The following RBL2 variants were observed in gnomAD, a reference collection of about 807,000 sequenced individuals.
The protein encoded by RBL2 is retinoblastoma-like protein 2.
RBL2 carries 56 observed loss-of-function variants against 126.0 expected under a neutral mutation model. The ratio of observed to expected loss-of-function variants is 0.44; its 90% CI spans 0.36 to 0.56. The LOEUF is 0.56. Ranked by LOEUF, RBL2 falls within the 20% of genes least tolerant of loss-of-function variation. The pLI is 0.00. For missense variants in RBL2, 1,229 were observed against 1,398.2 expected (o/e 0.88, Z 1.93); for synonymous variants, 454 against 478.5 (o/e 0.95, Z 0.67).
intron 8 of RBL2, among the ~76,000 whole-genome samples, chr16:53,455,067 T>C (rs949839910): frequency 1.3e-5 from 2 of 152,210 alleles, no homozygotes; most frequent in African/African-American, 4.8e-5. Flanking sequence ...TTAATATAAA[T>C]TTAAACAAAT....
intron 21 of RBL2, chr16:53,487,717 C>G (rs1961231464): frequency 6.6e-6 from 1 of 152,156 alleles, no homozygotes; most frequent in Admixed American, 6.5e-5. Flanking sequence ...CTATTTGAGA[C>G]ACTGTTAAGA....
At chr16:53,480,823 T>C (rs1960916596) in intron 20 of RBL2, 54 bp downstream of exon 20, 1 of 1,530,450 alleles carries the variant, frequency 6.5e-7, no homozygotes, top group African/African-American at 1.4e-5. Flanking sequence ...TGTTGAGGAA[T>C]CATTTATGAT....
intron 12 of RBL2, chr16:53,464,906 G>A: frequency 6.6e-6 from 1 of 152,404 alleles, no homozygotes; most frequent in Non-Finnish European, 1.5e-5. Flanking sequence ...CCATTCTCCT[G>A]CCTCAGCCTG....
chr16:53,484,561 G>A (rs951275918), intron 21 of RBL2, among the ~76,000 whole-genome samples: 4 of 152,156 alleles, frequency 2.6e-5, no homozygotes, highest in Admixed American at 6.5e-5. Context: ...TGAAAACATC[G>A]TTAAGTGAAA....
At position 53,480,555 on chromosome 16, in the gene RBL2, T is replaced by C. The variant is rs753997789; in HGVS notation, c.2882-12T>C. ...GCCTTTGTACTGACAGCCTTTGTTC[T>C]CCTGGCTGCAGCCAGTAGAGACTCC... On this transcript the variant is annotated splice_polypyrimidine_tract_variant and intron_variant, in intron 19 of 21. Coordinates refer to ENST00000262133, the MANE Select transcript of RBL2 (RefSeq NM_005611.4). 6.2e-7 allele frequency: 1 copy of C among 1,607,094 alleles called. No homozygotes were observed. The highest frequency in any genetic ancestry group is 8.5e-7 in the Non-Finnish European group (1 of 1,176,948).
At chr16:53,478,406 T>G (rs1376636540) in intron 17 of RBL2, among the ~76,000 whole-genome samples, 2 of 152,180 alleles carry the variant, frequency 1.3e-5, no homozygotes, top group Admixed American at 6.5e-5. Context: ...TTTTTCTGCT[T>G]CTTTCTCTCC....
Position 53,462,609 on chromosome 16 carries a change from CTG to C in RBL2, c.1516_1517del (p.Val506TyrfsTer2). 6.4e-7 allele frequency: 1 copy of C among 1,572,874 alleles called. No individual in the cohort carries two copies. The highest frequency in any genetic ancestry group is 8.6e-7 in the Non-Finnish European group (1 of 1,166,938). Reference sequence around the variant, plus strand: ...ATGCTTTACTATAAAGTATTAGAATCTGTTATTGAGCAGGAACAAAAAAGACT... The same window carrying C: ...ATGCTTTACTATAAAGTATTAGAATCTTATTGAGCAGGAACAAAAAAGACT... On this transcript the variant is annotated frameshift_variant, in exon 11 of 22. Transcript: ENST00000262133. LOFTEE classifies it high-confidence loss of function.
intron 1 of RBL2, among the ~76,000 whole-genome samples, chr16:53,438,095 T>C (rs1383015115): frequency 6.6e-6 from 1 of 152,148 alleles, no homozygotes; most frequent in Non-Finnish European, 1.5e-5. Context: ...TATAGCAAAT[T>C]GCCTTAAAAC....
intron 21 of RBL2, among the ~76,000 whole-genome samples, chr16:53,485,432 C>CTA (rs1344973608): frequency 6.6e-6 from 1 of 152,052 alleles, no homozygotes; most frequent in Non-Finnish European, 1.5e-5. Context: ...ATACATACAC[C>CTA]TATGTTCCAA....
chr16:53,463,963 G>A (rs1263586754), intron 11 of RBL2, among the ~76,000 whole-genome samples: 1 of 151,928 alleles, frequency 6.6e-6, no homozygotes, highest in African/African-American at 2.4e-5. Context: ...TGTGTATTTT[G>A]GTTAGAGATG....
chr16:53,437,030 T>C (rs532175307), intron 1 of RBL2, among the ~76,000 whole-genome samples: 16 of 152,112 alleles, frequency 1.1e-4, no homozygotes, highest in African/African-American at 3.9e-4. Context: ...AACGATATAG[T>C]TGTAAACTTT....
chr16:53,435,748 T>G lies in RBL2; in HGVS notation c.240+952T>G, dbSNP rs570181180. ...CAGGATGCAAAGCCTAACCAAGGTA[T>G]TATTTAAATATGATGTTTTTGGCTA... On this transcript the variant is annotated intron_variant, in intron 1 of 21. Coordinates refer to ENST00000262133, the MANE Select transcript of RBL2 (RefSeq NM_005611.4). 6.5e-4 allele frequency: 834 copies of G among 1,286,544 alleles called. 2 individuals carry two copies. The highest frequency in any genetic ancestry group is 7.7e-4 in the Non-Finnish European group (758 of 986,228). The allele number at this position is 1,286,544 out of a possible 1,614,324, so 79.7% of individuals were successfully genotyped here. A position where few individuals can be genotyped will look rare whatever the true frequency, so the allele number is the denominator to read the frequency against.
chr16:53,485,885 CTAGG>C (rs1961151483), intron 21 of RBL2, among the ~76,000 whole-genome samples: 1 of 150,374 alleles, frequency 6.7e-6, no homozygotes, highest in Admixed American at 6.6e-5. Flanking sequence ...AAAAAACCAC[CTAGG>C]TATTTTGGGA....
intron 17 of RBL2, among the ~76,000 whole-genome samples, chr16:53,473,797 A>G (rs1960612225): frequency 6.6e-6 from 1 of 152,040 alleles, no homozygotes; most frequent in Non-Finnish European, 1.5e-5. Context: ...GCCCTTTATC[A>G]GGTTGAGGAA....
intron 1 of RBL2, among the ~76,000 whole-genome samples, chr16:53,435,396 C>T (rs892143754): frequency 2.0e-5 from 3 of 152,158 alleles, no homozygotes; most frequent in Non-Finnish European, 4.4e-5. Flanking sequence ...AGACACATGC[C>T]CCCATTTGTC....
chr16:53,477,757 T>A (rs1960787857), intron 17 of RBL2, among the ~76,000 whole-genome samples: 1 of 152,196 alleles, frequency 6.6e-6, no homozygotes, highest in African/African-American at 2.4e-5. Context: ...TGTAGGCAAA[T>A]ATGTTACATT....
At position 53,464,108 on chromosome 16, in the gene RBL2, A is replaced by T. The variant is rs956534515; in HGVS notation, c.1561-118A>T. ...AGGTTTTGTAAGAAAATAAGGACAC[A>T]CTTTGCACTCACTCAGAAAATGAGA... On this transcript the variant is annotated intron_variant, in intron 11 of 21. Transcript: ENST00000262133. The T allele has an allele frequency of 1.7e-5, 13 of 777,614 alleles. No homozygotes were observed. The African/African-American group carries it at 2.0e-4, about 12-fold the overall frequency. The allele number at this position is 777,614 out of a possible 1,614,324, so 48.2% of individuals were successfully genotyped here. A position where few individuals can be genotyped will look rare whatever the true frequency, so the allele number is the denominator to read the frequency against.
At chr16:53,479,683 T>A (rs1305800776) in intron 18 of RBL2, 3 of 521,664 alleles carry the variant, frequency 5.8e-6, no homozygotes, top group Non-Finnish European at 1.0e-5. Flanking sequence ...GTACTGCAGG[T>A]AGTACTTGGC....
At chr16:53,466,229 T>G (rs2058271139) in intron 13 of RBL2, 1 of 152,078 alleles carries the variant, frequency 6.6e-6, no homozygotes. Context: ...GGTGACAGAG[T>G]AAAAATTCAG....
Sources: gnomAD v4.1 joint callset for allele counts (sites outside exome capture counted in the v4.1 genomes callset) on GRCh38, gnomAD v4.1.1 for gene constraint, MANE v1.5 for transcripts, NCBI Gene and HGNC (gene_info 2026-07-23, HGNC 2026-07-21) for gene names.